Variants in PCDHA13 observed in about 807,000 individuals in gnomAD.
PCDHA13 encodes the protein protocadherin alpha 13, also known as protocadherin alpha-13.
PCDHA13 carries 54 observed loss-of-function variants against 64.8 expected under a neutral mutation model. That is an observed-to-expected ratio of 0.83 (90% CI 0.67 to 1.04). The LOEUF is 1.04. PCDHA13 is among the 50% of genes least tolerant of loss of function. PCDHA13 has a pLI of 0.00. For synonymous variants in PCDHA13, 587 were observed against 564.4 expected, an observed-to-expected ratio of 1.04 and a Z score of -0.57; for missense variants, 1,248 against 1,254.3, an observed-to-expected ratio of 0.99 and a Z score of 0.08.
At chr5:140,892,673 T>C (rs1554185319) in intron 1 of PCDHA13, among the ~76,000 whole-genome samples, 1 of 152,262 alleles carries the variant, frequency 6.6e-6, no homozygotes, top group East Asian at 1.9e-4. Flanking sequence ...TTGATACATA[T>C]ATACAATGTA....
chr5:140,903,402 G>T (rs1293264385), intron 1 of PCDHA13, among the ~76,000 whole-genome samples: 6 of 152,192 alleles, frequency 3.9e-5, no homozygotes, highest in Non-Finnish European at 5.9e-5. Context: ...AAACAGTAGT[G>T]CAGTCAGGAA....
intron 1 of PCDHA13, among the ~76,000 whole-genome samples, chr5:140,890,513 C>T (rs1376774987): frequency 2.0e-5 from 3 of 151,948 alleles, no homozygotes; most frequent in Non-Finnish European, 4.4e-5. Flanking sequence ...GTCTCTATTT[C>T]CTTCCTTTGT....
chr5:140,949,111 T>C (rs1316111436), intron 1 of PCDHA13, among the ~76,000 whole-genome samples: 1 of 151,772 alleles, frequency 6.6e-6, no homozygotes, highest in African/African-American at 2.4e-5. Context: ...AGTTTACAAA[T>C]ATTTTTGGTT....
intron 1 of PCDHA13, among the ~76,000 whole-genome samples, chr5:140,893,945 A>T (rs1293077869): frequency 6.6e-6 from 1 of 152,180 alleles, no homozygotes; most frequent in Non-Finnish European, 1.5e-5. Flanking sequence ...TTAATTCTGC[A>T]TGACTTTATT....
At chr5:140,929,207 G>A (rs782298445) in intron 1 of PCDHA13, 6 of 1,614,104 alleles carry the variant, frequency 3.7e-6, no homozygotes, top group East Asian at 2.2e-5. Flanking sequence ...TTGCTGTTGC[G>A]TGGGGAGTAC....
intron 1 of PCDHA13, among the ~76,000 whole-genome samples, chr5:140,899,853 G>T (rs2067594174): frequency 6.6e-6 from 1 of 152,118 alleles, no homozygotes; most frequent in South Asian, 2.1e-4. Context: ...TGTCACCCAG[G>T]CTGGAGTGCA....
intron 3 of PCDHA13, among the ~76,000 whole-genome samples, chr5:140,993,683 G>A (rs2097577653): frequency 6.6e-6 from 1 of 152,080 alleles, no homozygotes; most frequent in Non-Finnish European, 1.5e-5. Flanking sequence ...TGTGACAGCT[G>A]TCCCATAAGA....
At chr5:140,968,969 A>C in intron 1 of PCDHA13, 2 of 1,614,230 alleles carry the variant, frequency 1.2e-6, no homozygotes. Flanking sequence ...CTACCGCTAC[A>C]CTGCGTATGG....
chr5:140,951,333 G>A (rs922078825), intron 1 of PCDHA13, among the ~76,000 whole-genome samples: 1 of 151,964 alleles, frequency 6.6e-6, no homozygotes, highest in African/African-American at 2.4e-5. Flanking sequence ...TCATCATTCT[G>A]TTTGTGTTAG....
chr5:140,890,350 T>C (rs1199144948), intron 1 of PCDHA13, among the ~76,000 whole-genome samples: 1 of 152,186 alleles, frequency 6.6e-6, no homozygotes, highest in Non-Finnish European at 1.5e-5. Flanking sequence ...GTTTACTATA[T>C]AGCAATGGAT....
intron 1 of PCDHA13, among the ~76,000 whole-genome samples, chr5:140,900,333 C>T (rs10071692): frequency 3.3e-5 from 5 of 151,856 alleles, no homozygotes; most frequent in Admixed American, 6.6e-5. Flanking sequence ...GCTGGAGTAC[C>T]GTGGCGCAAT....
intron 3 of PCDHA13, among the ~76,000 whole-genome samples, chr5:140,984,413 CAGAGAT>C (rs1244237847): frequency 1.3e-5 from 2 of 152,148 alleles, no homozygotes; most frequent in African/African-American, 4.8e-5. Context: ...ATCTTTTTTA[CAGAGAT>C]AGAGAAGGGG....
intron 2 of PCDHA13, 71 bp downstream of exon 2, chr5:140,979,078 A>C (rs2240296): frequency 3.8e-6 from 6 of 1,583,342 alleles, no homozygotes; most frequent in South Asian, 1.1e-5. Flanking sequence ...CTGCATCTCC[A>C]TAGGCCAGAA....
intron 1 of PCDHA13, among the ~76,000 whole-genome samples, chr5:140,931,490 C>T (rs1209591038): frequency 6.6e-6 from 1 of 151,888 alleles, no homozygotes; most frequent in Non-Finnish European, 1.5e-5. Flanking sequence ...ACCCTTCAAA[C>T]CAAATTTTTA....
At chr5:141,007,395 C>CAAAAA (rs35800918) in intron 3 of PCDHA13, among the ~76,000 whole-genome samples, 20 of 94,830 alleles carry the variant, frequency 2.1e-4, no homozygotes, top group South Asian at 3.5e-4. Context: ...TACTAAAATA[C>CAAAAA]AAAAAAAAAA....
chr5:140,903,857 T>C (rs2070669832), intron 1 of PCDHA13, among the ~76,000 whole-genome samples: 1 of 152,172 alleles, frequency 6.6e-6, no homozygotes, highest in South Asian at 2.1e-4. Context: ...TAACAAATAA[T>C]ATAGAGTAAA....
chr5:140,923,964 C>A (rs1410428693), intron 1 of PCDHA13, among the ~76,000 whole-genome samples: 1 of 152,160 alleles, frequency 6.6e-6, no homozygotes, highest in East Asian at 1.9e-4. Context: ...CTAATCTATA[C>A]CCACACATAC....
chr5:140,916,174 C>A (rs2077467805), intron 1 of PCDHA13, among the ~76,000 whole-genome samples: 1 of 152,124 alleles, frequency 6.6e-6, no homozygotes, highest in Non-Finnish European at 1.5e-5. Flanking sequence ...AGGCCTGGGA[C>A]TCTTCAAGGA....
At chr5:140,920,960 A>C (rs1554200006) in intron 1 of PCDHA13, among the ~76,000 whole-genome samples, 1 of 151,930 alleles carries the variant, frequency 6.6e-6, no homozygotes, top group Admixed American at 6.6e-5. Flanking sequence ...CTACACATGT[A>C]GTACTAGAGT....
Sources: allele counts gnomAD v4.1 joint callset (sites outside exome capture counted in the v4.1 genomes callset), GRCh38; gene constraint gnomAD v4.1.1; transcripts MANE v1.5; gene names NCBI Gene and HGNC (gene_info 2026-07-23, HGNC 2026-07-21).